Variants in ANO1 observed in about 807,000 individuals in gnomAD.
The protein encoded by ANO1 is anoctamin 1.
In ANO1, 59 loss-of-function variants were observed where a neutral mutation model predicts 124.0. The observed-to-expected ratio is 0.48, with a 90% confidence interval of 0.39 to 0.59. ANO1 has a LOEUF of 0.59. Among genes scored for constraint, ANO1 ranks in the 20% least tolerant of loss-of-function variants. The pLI is 0.00. For synonymous variants in ANO1, 529 were observed against 532.0 expected (o/e 0.99, Z 0.08); for missense variants, 1,059 against 1,328.0 (o/e 0.80, Z 3.15).
At chr11:70,105,647 G>A in intron 4 of ANO1, 87 bp from the exon 5 acceptor site, 1 of 1,244,350 alleles carries the variant, frequency 8.0e-7, no homozygotes, top group Non-Finnish European at 1.2e-6. Flanking sequence ...GGCTAATGGG[G>A]ACAGTGTGGT....
chr11:70,161,499 C>A, intron 17 of ANO1, 123 bp from the exon 18 acceptor site: 1 of 1,378,308 alleles, frequency 7.3e-7, no homozygotes. Flanking sequence ...ATCCTGAGCA[C>A]AGGCCATGGT....
chr11:70,147,262 G>T (rs2047416174), intron 11 of ANO1, among the ~76,000 whole-genome samples: 1 of 152,220 alleles, frequency 6.6e-6, no homozygotes, highest in Non-Finnish European at 1.5e-5. Context: ...CCAGGGAATG[G>T]ATGGCCTCCT....
chr11:70,038,041 C>G (rs12363768), intron 1 of ANO1, among the ~76,000 whole-genome samples: 18,224 of 152,176 alleles, frequency 0.12, 1,396 homozygotes, highest in Non-Finnish European at 0.17. Flanking sequence ...AATTCCAGCA[C>G]TTTGGGAGGC....
At chr11:70,037,432 A>T (rs965259226) in intron 1 of ANO1, among the ~76,000 whole-genome samples, 20 of 152,058 alleles carry the variant, frequency 1.3e-4, no homozygotes, top group African/African-American at 4.8e-4. Context: ...TCACCTTCTG[A>T]GGACACCACA....
intron 1 of ANO1, among the ~76,000 whole-genome samples, chr11:70,052,879 T>C (rs1857375653): frequency 1.3e-5 from 2 of 152,188 alleles, no homozygotes; most frequent in South Asian, 2.1e-4. Flanking sequence ...TTATACTATA[T>C]TGAGTCTTCC....
At chr11:70,067,159 A>C (rs1555008711) in intron 1 of ANO1, among the ~76,000 whole-genome samples, 1 of 152,078 alleles carries the variant, frequency 6.6e-6, no homozygotes, top group Non-Finnish European at 1.5e-5. Flanking sequence ...CACCATGAGA[A>C]ACTGCTGTTC....
intron 1 of ANO1, among the ~76,000 whole-genome samples, chr11:70,057,817 A>G (rs558144652): frequency 6.6e-6 from 1 of 152,338 alleles, no homozygotes; most frequent in South Asian, 2.1e-4. Context: ...GTATACCTGC[A>G]GGTCACAGGG....
intron 1 of ANO1, among the ~76,000 whole-genome samples, chr11:70,069,756 C>T (rs1857823362): frequency 6.6e-6 from 1 of 151,836 alleles, no homozygotes; most frequent in African/African-American, 2.4e-5. Flanking sequence ...CTCTATATGA[C>T]TATGTGTCTT....
chr11:69,975,051 AC>A, the ANO1 span, among the ~76,000 whole-genome samples: 1 of 152,104 alleles, frequency 6.6e-6, no homozygotes, highest in Non-Finnish European at 1.5e-5. Context: ...CTGGCGTCCC[AC>A]CCCACGCTGC....
chr11:70,175,662 G>C (rs1050119380), intron 22 of ANO1, among the ~76,000 whole-genome samples: 1 of 152,168 alleles, frequency 6.6e-6, no homozygotes, highest in Non-Finnish European at 1.5e-5. Context: ...TTCAGCTCCC[G>C]GGCACTGCAT....
chr11:70,158,709 G>A (rs1306180983), intron 16 of ANO1, among the ~76,000 whole-genome samples: 1 of 152,272 alleles, frequency 6.6e-6, no homozygotes, highest in Non-Finnish European at 1.5e-5. Flanking sequence ...CATGGAAGAA[G>A]TGGGAAGATC....
At chr11:70,172,880 G>T (rs765090228) in intron 22 of ANO1, among the ~76,000 whole-genome samples, 3 of 151,828 alleles carry the variant, frequency 2.0e-5, no homozygotes, top group Non-Finnish European at 4.4e-5. Context: ...AAAAAAAAAT[G>T]TGGGAAGCTT....
At chr11:70,131,416 C>G (rs1323270754) in intron 10 of ANO1, among the ~76,000 whole-genome samples, 1 of 152,176 alleles carries the variant, frequency 6.6e-6, no homozygotes, top group Non-Finnish European at 1.5e-5. Flanking sequence ...CAACCTCTGC[C>G]TCCAGGGTTC....
intron 1 of ANO1, among the ~76,000 whole-genome samples, chr11:70,021,639 C>T (rs1364025245): frequency 6.6e-6 from 1 of 152,222 alleles, no homozygotes; most frequent in Non-Finnish European, 1.5e-5. Context: ...TGGTCCCTCT[C>T]TTCCTCGGTT....
chr11:70,108,457 C>T, intron 6 of ANO1, 53 bp downstream of exon 6: 1 of 1,576,646 alleles, frequency 6.3e-7, no homozygotes, highest in Admixed American at 1.7e-5. Flanking sequence ...GTCGGAATCT[C>T]ACCTCCGAGT....
chr11:70,105,108 C>T (rs923823560), intron 4 of ANO1, among the ~76,000 whole-genome samples: 1 of 152,040 alleles, frequency 6.6e-6, no homozygotes, highest in Non-Finnish European at 1.5e-5. Context: ...TGCCCTGGGT[C>T]GACTCTGTCA....
In ANO1 at chr11:70,116,479, G is replaced by C; in HGVS notation, c.877G>C (p.Val293Leu). ...LHDGDYNGEN[V>L]EFNDRKLLYE... ...ACAGGGAGACTACAACGGTGAAAAC[G>C]TCGAGTTCAACGACAGAAAAGTAAG... Residue 293 changes from valine to leucine, a missense_variant, in exon 8 of 26, where the codon GTC (valine) becomes CTC (leucine). Val to Leu is a conservative substitution (Grantham distance 32). Transcript: ENST00000355303. 6.3e-7 allele frequency: 1 copy of C among 1,598,940 alleles called. No individual in the cohort carries two copies. The highest frequency in any genetic ancestry group is 1.7e-4 in the Middle Eastern group (1 of 6,048).
At chr11:70,002,613 A>G (rs1856406750) in intron 1 of ANO1, among the ~76,000 whole-genome samples, 1 of 152,236 alleles carries the variant, frequency 6.6e-6, no homozygotes, top group African/African-American at 2.4e-5. Context: ...CAGTTTGTGT[A>G]AGAACACTCT....
At chr11:70,112,588 C>T (rs554803623) in intron 7 of ANO1, among the ~76,000 whole-genome samples, 1 of 145,862 alleles carries the variant, frequency 6.9e-6, no homozygotes, top group Non-Finnish European at 1.5e-5. Context: ...GACAGAGTCT[C>T]GCTCTGTCAT....
Sources: gnomAD v4.1 joint callset for allele counts (sites outside exome capture counted in the v4.1 genomes callset) on GRCh38, gnomAD v4.1.1 for gene constraint, MANE v1.5 for transcripts, NCBI Gene and HGNC (gene_info 2026-07-23, HGNC 2026-07-21) for gene names.